Variants in FLRT1 observed in about 807,000 individuals in gnomAD.
FLRT1 encodes leucine-rich repeat transmembrane protein FLRT1.
A neutral mutation model predicts 30.9 loss-of-function variants in FLRT1; 14 were observed. The ratio of observed to expected loss-of-function variants is 0.45; its 90% confidence interval spans 0.30 to 0.71. The LOEUF is 0.71. Among genes scored for constraint, FLRT1 ranks in the 30% least tolerant of loss-of-function variants. The pLI is 0.08. For synonymous variants in FLRT1, 368 were observed against 430.4 expected (o/e 0.85, Z 1.80); for missense variants, 737 against 949.2 (o/e 0.78, Z 2.94).
At chr11:64,050,461 C>T (rs1943672180) in intron 1 of FLRT1, among the ~76,000 whole-genome samples, 1 of 152,226 alleles carries the variant, frequency 6.6e-6, no homozygotes. Context: ...GGCACTGCTT[C>T]CACTCTGCCC....
At chr11:64,098,998 T>A (rs542593822) in intron 1 of FLRT1, among the ~76,000 whole-genome samples, 2 of 152,360 alleles carry the variant, frequency 1.3e-5, no homozygotes, top group African/African-American at 2.4e-5. Flanking sequence ...AAGGCAGCTA[T>A]GAACTGTAAA....
At chr11:64,071,114 C>T (rs1033759074) in intron 1 of FLRT1, among the ~76,000 whole-genome samples, 1 of 152,116 alleles carries the variant, frequency 6.6e-6, no homozygotes, top group Non-Finnish European at 1.5e-5. Context: ...GGCTTTTTGC[C>T]TTTGTTGTCA....
chr11:64,051,698 C>T (rs1236767724), intron 1 of FLRT1, among the ~76,000 whole-genome samples: 2 of 152,074 alleles, frequency 1.3e-5, no homozygotes, highest in East Asian at 1.9e-4. Flanking sequence ...GGGCAGGGGC[C>T]GAGGTTGGTG....
intron 1 of FLRT1, among the ~76,000 whole-genome samples, chr11:64,100,887 G>C (rs17158803): frequency 1.3e-5 from 2 of 152,122 alleles, no homozygotes; most frequent in African/African-American, 4.8e-5. Context: ...AGGGAAGGTG[G>C]ACTGAGGACA....
At chr11:64,070,940 T>C (rs1044871864) in intron 1 of FLRT1, among the ~76,000 whole-genome samples, 2 of 152,096 alleles carry the variant, frequency 1.3e-5, no homozygotes, top group Non-Finnish European at 2.9e-5. Flanking sequence ...GTTGGTTAAG[T>C]AGACCAAGGA....
chr11:64,072,834 A>C (rs1003099392), intron 1 of FLRT1, among the ~76,000 whole-genome samples: 1 of 152,172 alleles, frequency 6.6e-6, no homozygotes, highest in South Asian at 2.1e-4. Flanking sequence ...CCCCAACCAG[A>C]GCGTCTGAGG....
At chr11:64,053,397 C>A (rs1297798260) in intron 1 of FLRT1, among the ~76,000 whole-genome samples, 1 of 152,204 alleles carries the variant, frequency 6.6e-6, no homozygotes, top group Non-Finnish European at 1.5e-5. Flanking sequence ...TGGTTTCCTG[C>A]AGATCTGTAC....
At position 64,054,081 on chromosome 11, in the gene FLRT1, G is replaced by A. The variant is rs1388934482; in HGVS notation, c.-1038+17922G>A. On this transcript the variant is annotated intron_variant, in intron 1 of 2. Coordinates refer to ENST00000682287, the MANE Select transcript of FLRT1 (RefSeq NM_013280.5). ...GCAAGCAGCTGTCACCTCCACCTGC[G>A]AATGGGGATGAGGATCCCAGCTCCA... Among the ~76,000 whole-genome samples, 4 of 152,174 alleles carry A rather than the reference G, an allele frequency of 2.6e-5. No individual in the cohort carries two copies. In the East Asian group the frequency reaches 5.8e-4, roughly 22 times the overall value.
chr11:64,063,557 G>C (rs1454161954), intron 1 of FLRT1, among the ~76,000 whole-genome samples: 2 of 152,218 alleles, frequency 1.3e-5, no homozygotes, highest in Admixed American at 6.5e-5. Flanking sequence ...CCAGCAGCCA[G>C]CAACCTTCAA....
chr11:64,078,528 G>A (rs867946295), intron 1 of FLRT1, among the ~76,000 whole-genome samples: 3 of 152,224 alleles, frequency 2.0e-5, no homozygotes, highest in Admixed American at 6.5e-5. Flanking sequence ...AGGGATACCC[G>A]GGAGGGGAGC....
rs1944477074 is a variant in FLRT1 at position 64,090,827 on chromosome 11, C to CTTTT, written c.-1037-12367_-1037-12366insTTTT. ...TCTGGGGCTCTGCAGAAGCAGAGCC[C>CTTTT]GAGTCGGGTCCAGCCCTGCACTCCC... On this transcript the variant is annotated intron_variant, in intron 1 of 2. Coordinates refer to ENST00000682287, the MANE Select transcript of FLRT1 (RefSeq NM_013280.5). This position sits in a 1 kb window ranked among gnomAD's most constrained non-coding sequence, Gnocchi z 4.7. 6.6e-6 allele frequency among the ~76,000 whole-genome samples: 1 copy of CTTTT among 151,930 alleles called. No homozygotes were observed. Among genetic ancestry groups the CTTTT allele is most frequent in the African/African-American group, 2.4e-5 (1 of 41,358 alleles).
intron 1 of FLRT1, among the ~76,000 whole-genome samples, chr11:64,089,535 T>C (rs2134517659): frequency 6.6e-6 from 1 of 152,316 alleles, no homozygotes; most frequent in South Asian, 2.1e-4. Context: ...CTGTTATCCA[T>C]GCACTTTCCT....
chr11:64,053,675 G>C (rs894695241), intron 1 of FLRT1, among the ~76,000 whole-genome samples: 1 of 152,176 alleles, frequency 6.6e-6, no homozygotes, highest in African/African-American at 2.4e-5. Flanking sequence ...AGGTGTGACT[G>C]CCTGGGGGAA....
At chr11:64,111,522 G>A (rs768655668) in intron 2 of FLRT1, among the ~76,000 whole-genome samples, 2 of 152,222 alleles carry the variant, frequency 1.3e-5, no homozygotes, top group South Asian at 2.1e-4. Context: ...AGGGACAGAC[G>A]TGCAGTGGGA....
At chr11:64,044,744 T>A (rs889173110) in intron 1 of FLRT1, among the ~76,000 whole-genome samples, 2 of 152,116 alleles carry the variant, frequency 1.3e-5, no homozygotes, top group Non-Finnish European at 2.9e-5. Flanking sequence ...CACCAGCACC[T>A]GAGCTTTGGT....
At chr11:64,043,364 T>G (rs1228504337) in intron 1 of FLRT1, among the ~76,000 whole-genome samples, 1 of 152,144 alleles carries the variant, frequency 6.6e-6, no homozygotes, top group Non-Finnish European at 1.5e-5. Flanking sequence ...GCAGGAAGGC[T>G]TGTGGGGCAC....
At chr11:64,071,077 G>A (rs1766828979) in intron 1 of FLRT1, among the ~76,000 whole-genome samples, 1 of 152,132 alleles carries the variant, frequency 6.6e-6, no homozygotes, top group African/African-American at 2.4e-5. Context: ...CCAGGCCTTT[G>A]TCTCTGTTGG....
chr11:64,037,026 C>T (rs528321073), intron 1 of FLRT1, among the ~76,000 whole-genome samples: 2 of 150,878 alleles, frequency 1.3e-5, no homozygotes, highest in South Asian at 2.1e-4. Context: ...CCCGGGAGGT[C>T]TTCGAGGCCC....
chr11:64,061,724 G>A (rs1447005612), intron 1 of FLRT1, among the ~76,000 whole-genome samples: 1 of 147,898 alleles, frequency 6.8e-6, no homozygotes, highest in Non-Finnish European at 1.5e-5. Context: ...TTTTGAGATA[G>A]GGTCTCACTC....
Sources: allele counts gnomAD v4.1 joint callset (sites outside exome capture counted in the v4.1 genomes callset), GRCh38; gene constraint gnomAD v4.1.1; non-coding constraint Gnocchi (gnomAD v3.1); transcripts MANE v1.5; gene names NCBI Gene and HGNC (gene_info 2026-07-23, HGNC 2026-07-21).